Variants in GNAQ observed in about 807,000 individuals in gnomAD.
The protein encoded by GNAQ is guanine nucleotide-binding protein G(q) subunit alpha.
A neutral mutation model predicts 43.9 loss-of-function variants in GNAQ; 8 were observed. That is an observed-to-expected ratio of 0.18 (90% CI 0.11 to 0.33). The LOEUF (loss-of-function observed/expected upper bound fraction) is 0.33, where lower values mean the gene tolerates loss of function less well. GNAQ is among the 10% of genes least tolerant of loss of function. The probability of loss-of-function intolerance (pLI) is 1.00; values close to 1 mark genes in which losing one functional copy is unlikely to be tolerated. For synonymous variants in GNAQ, 155 were observed against 170.7 expected (o/e 0.91, Z 0.71); for missense variants, 158 against 450.8 (o/e 0.35, Z 5.88).
At chr9:77,833,161 AT>A (rs1587937270) in intron 2 of GNAQ, among the ~76,000 whole-genome samples, 2 of 151,906 alleles carry the variant, frequency 1.3e-5, no homozygotes, top group East Asian at 3.9e-4. Flanking sequence ...AGAGACGGGG[AT>A]TCACCATGTT....
At chr9:77,804,694 G>GT (rs560649981) in intron 3 of GNAQ, among the ~76,000 whole-genome samples, 69 of 150,538 alleles carry the variant, frequency 4.6e-4, no homozygotes, top group Admixed American at 1.4e-3. Flanking sequence ...ATGACACGGG[G>GT]TGTGTGTTGG....
At chr9:77,985,706 C>T (rs539285740) in intron 1 of GNAQ, among the ~76,000 whole-genome samples, 1 of 152,198 alleles carries the variant, frequency 6.6e-6, no homozygotes, top group South Asian at 2.1e-4. Flanking sequence ...CCTGCCTCAG[C>T]CTCCTGAGTA....
chr9:77,990,064 G>C (rs1454291305), intron 1 of GNAQ, among the ~76,000 whole-genome samples: 1 of 152,080 alleles, frequency 6.6e-6, no homozygotes, highest in Middle Eastern at 3.2e-3. Flanking sequence ...ATTTACAAAA[G>C]CTAAGGAAAA....
chr9:77,825,458 T>C (rs1827179158), intron 2 of GNAQ, among the ~76,000 whole-genome samples: 1 of 152,192 alleles, frequency 6.6e-6, no homozygotes, highest in African/African-American at 2.4e-5. Context: ...CATGACTAGC[T>C]GATTCAAGCA....
At chr9:77,908,761 CAG>C (rs1396272013) in intron 2 of GNAQ, among the ~76,000 whole-genome samples, 1 of 152,188 alleles carries the variant, frequency 6.6e-6, no homozygotes, top group Non-Finnish European at 1.5e-5. Context: ...CCTCTGGTGG[CAG>C]AGAGTCAGTT....
At chr9:78,021,557 T>A (rs1823909337) in intron 1 of GNAQ, among the ~76,000 whole-genome samples, 1 of 152,196 alleles carries the variant, frequency 6.6e-6, no homozygotes, top group African/African-American at 2.4e-5. Context: ...CATCCAATGT[T>A]TAATTCTAAA....
At position 77,874,104 on chromosome 9, in the gene GNAQ, C is replaced by CAAA. The variant is rs71937328; in HGVS notation, c.321+48054_321+48056dup. 2.8e-3 allele frequency among the ~76,000 whole-genome samples: 279 copies of CAAA among 98,954 alleles called. 1 individual carries two copies. Among genetic ancestry groups the CAAA allele is most frequent in the East Asian group, 0.01 (36 of 3,538 alleles). 64.9% of individuals were successfully genotyped at this position (98,954 alleles called of 152,430 possible). A position where few individuals can be genotyped will look rare whatever the true frequency, so the allele number is the denominator to read the frequency against. On this transcript the variant is annotated intron_variant, in intron 2 of 6. Coordinates refer to ENST00000286548, the MANE Select transcript of GNAQ (RefSeq NM_002072.5). Reference sequence around the variant, plus strand: ...GGGCAACAAGAGCGAAACTCCATCTCAAAAAAAAAAAACAAAAAAACAAAA... The same window carrying CAAA: ...GGGCAACAAGAGCGAAACTCCATCTCAAAAAAAAAAAAAAACAAAAAAACAAAA...
At chr9:77,882,020 C>A (rs1172843657) in intron 2 of GNAQ, among the ~76,000 whole-genome samples, 4 of 152,100 alleles carry the variant, frequency 2.6e-5, no homozygotes, top group African/African-American at 7.2e-5. Context: ...CGCCTGTAGT[C>A]CCAGTTACTT....
intron 2 of GNAQ, among the ~76,000 whole-genome samples, chr9:77,913,761 GGAAGGGAGCATGAA>G (rs1828848091): frequency 6.6e-6 from 1 of 152,138 alleles, no homozygotes; most frequent in Non-Finnish European, 1.5e-5. Flanking sequence ...AGTATTGACT[GGAAGGGAGCATGAA>G]GAATCTTCTG....
At chr9:77,838,174 A>C (rs1164636315) in intron 2 of GNAQ, among the ~76,000 whole-genome samples, 1 of 114,680 alleles carries the variant, frequency 8.7e-6, no homozygotes, top group Non-Finnish European at 1.7e-5. Flanking sequence ...AAGGAGTCTC[A>C]CTCTTGTTGC....
At chr9:77,805,540 G>A (rs1207435260) in intron 3 of GNAQ, among the ~76,000 whole-genome samples, 63 of 152,174 alleles carry the variant, frequency 4.1e-4, no homozygotes, top group East Asian at 1.9e-4. Context: ...GAGTAGCTGG[G>A]ATTACATGCG....
intron 2 of GNAQ, among the ~76,000 whole-genome samples, chr9:77,868,988 C>T (rs186027648): frequency 1.3e-5 from 2 of 151,444 alleles, no homozygotes; most frequent in African/African-American, 4.9e-5. Flanking sequence ...CTCTGTCTTG[C>T]GGGGGAGGGG....
chr9:77,877,002 AAT>A (rs1828136549), intron 2 of GNAQ, among the ~76,000 whole-genome samples: 1 of 128,430 alleles, frequency 7.8e-6, no homozygotes, highest in Non-Finnish European at 1.8e-5. Context: ...AATTAAATAT[AAT>A]ATAACAAATC....
At chr9:77,940,041 A>G (rs1829292163) in intron 1 of GNAQ, among the ~76,000 whole-genome samples, 1 of 152,208 alleles carries the variant, frequency 6.6e-6, no homozygotes, top group Non-Finnish European at 1.5e-5. Context: ...ATACTAGACA[A>G]TATGTGTAAA....
intron 1 of GNAQ, among the ~76,000 whole-genome samples, chr9:77,971,466 T>C (rs1356674243): frequency 6.6e-6 from 1 of 152,224 alleles, no homozygotes; most frequent in Non-Finnish European, 1.5e-5. Context: ...GATGCAAGGC[T>C]GGTTCAACAT....
At chr9:77,947,869 TCTGTTCACAG>T (rs1822924120) in intron 1 of GNAQ, among the ~76,000 whole-genome samples, 1 of 152,170 alleles carries the variant, frequency 6.6e-6, no homozygotes, top group African/African-American at 2.4e-5. Flanking sequence ...CCATAAGGCC[TCTGTTCACAG>T]CCCAGCTACT....
intron 2 of GNAQ, among the ~76,000 whole-genome samples, chr9:77,901,932 G>A (rs1220324775): frequency 6.6e-6 from 1 of 152,006 alleles, no homozygotes; most frequent in African/African-American, 2.4e-5. Context: ...AGCTTCCTTC[G>A]GCCTATTTTA....
chr9:77,805,472 T>C (rs912864651), intron 3 of GNAQ, among the ~76,000 whole-genome samples: 2 of 152,096 alleles, frequency 1.3e-5, no homozygotes, highest in African/African-American at 4.8e-5. Context: ...TGGCATGATC[T>C]TGGCTCACTG....
At chr9:77,916,960 G>C (rs2118249878) in intron 2 of GNAQ, among the ~76,000 whole-genome samples, 1 of 152,276 alleles carries the variant, frequency 6.6e-6, no homozygotes, top group Middle Eastern at 3.4e-3. Flanking sequence ...ACAGTTCATA[G>C]AGATTATAAG....
Sources: gnomAD v4.1 joint callset for allele counts (sites outside exome capture counted in the v4.1 genomes callset) on GRCh38, gnomAD v4.1.1 for gene constraint, MANE v1.5 for transcripts, NCBI Gene and HGNC (gene_info 2026-07-23, HGNC 2026-07-21) for gene names.